Variants in NOX4 observed in about 807,000 individuals in gnomAD.
The protein encoded by NOX4 is NADPH oxidase 4.
In NOX4, 69 loss-of-function variants were observed where a neutral mutation model predicts 87.6. The ratio of observed to expected loss-of-function variants is 0.79; its 90% CI spans 0.65 to 0.96. NOX4 has a LOEUF of 0.96. NOX4 is among the 40% of genes least tolerant of loss of function. NOX4 has a pLI of 0.00. For missense variants in NOX4, 680 were observed against 681.5 expected (o/e 1.00, Z 0.02); for synonymous variants, 275 against 238.2 (o/e 1.15, Z -1.42).
At chr11:89,404,463 A>AGTACT (rs1399783215) in intron 8 of NOX4, among the ~76,000 whole-genome samples, 1 of 152,162 alleles carries the variant, frequency 6.6e-6, no homozygotes, top group East Asian at 1.9e-4. Flanking sequence ...GCTGAACATA[A>AGTACT]ATCAGACTAC....
intron 2 of NOX4, among the ~76,000 whole-genome samples, chr11:89,478,445 G>A (rs372931210): frequency 3.3e-5 from 5 of 152,074 alleles, no homozygotes; most frequent in East Asian, 3.8e-4. Context: ...CAAAATCCAT[G>A]TTCTTTTCAT....
chr11:89,358,711 T>C (rs1338527645), intron 12 of NOX4, among the ~76,000 whole-genome samples: 3 of 151,626 alleles, frequency 2.0e-5, no homozygotes, highest in Non-Finnish European at 4.4e-5. Context: ...CTGTTGTCTA[T>C]TTGATTATGA....
At chr11:89,486,450 C>T (rs190380259) in intron 2 of NOX4, among the ~76,000 whole-genome samples, 5 of 146,788 alleles carry the variant, frequency 3.4e-5, no homozygotes, top group African/African-American at 7.6e-5. Flanking sequence ...TGTGCCACCA[C>T]GCCCAGCTAA....
intron 13 of NOX4, among the ~76,000 whole-genome samples, chr11:89,349,266 A>C (rs1946349519): frequency 6.6e-6 from 1 of 151,728 alleles, no homozygotes; most frequent in Admixed American, 6.6e-5. Context: ...CAGCCTAGGC[A>C]ACAGAGCGAG....
At chr11:89,377,223 G>A (rs1233696077) in intron 11 of NOX4, among the ~76,000 whole-genome samples, 1 of 152,098 alleles carries the variant, frequency 6.6e-6, no homozygotes, top group African/African-American at 2.4e-5. Context: ...ACACATCTAT[G>A]CTTTAAAATT....
In NOX4 at chr11:89,365,544, A is replaced by G. The variant is rs565721492; in HGVS notation, c.1135+7888T>C. ...ATTGCTACTAAGCTTTCTACAATCCACCTTTTAAGAAAAATGTTATATTTT... is the reference window on the plus strand; with the variant it reads ...ATTGCTACTAAGCTTTCTACAATCCGCCTTTTAAGAAAAATGTTATATTTT... On this transcript the variant is annotated intron_variant, in intron 12 of 17. Transcript: ENST00000263317. Among the ~76,000 whole-genome samples the G allele has an allele frequency of 4.2e-4, 63 of 151,804 alleles. No individual in the cohort carries two copies. The South Asian group carries it at 8.5e-3, about 21-fold the overall frequency.
the NOX4 span, among the ~76,000 whole-genome samples, chr11:89,560,996 C>CTCTATATATATA: frequency 3.4e-4 from 14 of 40,790 alleles, no homozygotes; most frequent in South Asian, 1.0e-3. Flanking sequence ...CTCTCTCTCT[C>CTCTATATATATA]TATATATATA....
intron 1 of NOX4, 189 bp from the exon 2 acceptor site, chr11:89,490,742 A>G: frequency 1.4e-6 from 1 of 700,680 alleles, no homozygotes. Flanking sequence ...GACTTTACCC[A>G]GCCCTTTCAC....
intron 13 of NOX4, among the ~76,000 whole-genome samples, chr11:89,346,077 A>G (rs2134933648): frequency 6.6e-6 from 1 of 152,348 alleles, no homozygotes; most frequent in South Asian, 2.1e-4. Context: ...AAATGACTTC[A>G]GTAGTTTCAG....
At chr11:89,531,369 A>G in the NOX4 span, among the ~76,000 whole-genome samples, 1 of 152,190 alleles carries the variant, frequency 6.6e-6, no homozygotes, top group African/African-American at 2.4e-5. Context: ...CACCTAGATT[A>G]CCAGCTCAAA....
At chr11:89,332,983 T>C (rs923366078) in intron 17 of NOX4, among the ~76,000 whole-genome samples, 2 of 151,904 alleles carry the variant, frequency 1.3e-5, no homozygotes, top group African/African-American at 2.4e-5. Flanking sequence ...TTCTGACTTT[T>C]AGTTTTTGTA....
intron 17 of NOX4, among the ~76,000 whole-genome samples, chr11:89,329,556 T>C (rs1238277124): frequency 2.7e-5 from 4 of 149,802 alleles, no homozygotes; most frequent in Admixed American, 2.0e-4. Context: ...CAATTGATAA[T>C]AAAATACTAA....
At position 89,400,325 on chromosome 11, in the gene NOX4, T is replaced by C. The variant is rs759618709; in HGVS notation, c.901A>G (p.Arg301Gly). 3 of 1,612,648 alleles carry C rather than the reference T, an allele frequency of 1.9e-6. No homozygotes were observed. The highest frequency in any genetic ancestry group is 2.5e-6 in the Non-Finnish European group (3 of 1,179,178). The stretch of plus-strand genomic sequence containing the variant: ...ACTGGCTTATTGCTCCGGATATACC[T>C]GTAAAGTCTTTCGGCACAGTACAGG... ...LCLYCAERLY[R>G]YIRSNKPVTI... Residue 301 changes from arginine to glycine, a missense_variant, in exon 10 of 18, where the codon AGG becomes GGG. Physicochemically the swap from Arg to Gly is moderately radical, Grantham distance 125. Transcript: ENST00000263317.
chr11:89,567,017 C>A, the NOX4 span, among the ~76,000 whole-genome samples: 1 of 152,128 alleles, frequency 6.6e-6, no homozygotes. Flanking sequence ...TAGAGCATAG[C>A]CAGGGATGCA....
chr11:89,527,530 C>G, the NOX4 span, among the ~76,000 whole-genome samples: 1 of 152,162 alleles, frequency 6.6e-6, no homozygotes, highest in Non-Finnish European at 1.5e-5. Context: ...GGGCTGGGCA[C>G]AGGGCCTTGC....
At chr11:89,566,658 G>A in the NOX4 span, among the ~76,000 whole-genome samples, 2 of 152,170 alleles carry the variant, frequency 1.3e-5, no homozygotes, top group African/African-American at 4.8e-5. Context: ...CTCCCATGGT[G>A]AAAACAGACC....
At chr11:89,562,226 G>A in the NOX4 span, among the ~76,000 whole-genome samples, 5 of 152,064 alleles carry the variant, frequency 3.3e-5, no homozygotes, top group African/African-American at 1.2e-4. Flanking sequence ...CAATGCAGAT[G>A]TAAGTTCACA....
At chr11:89,578,396 G>A in the NOX4 span, among the ~76,000 whole-genome samples, 17 of 152,142 alleles carry the variant, frequency 1.1e-4, no homozygotes, top group African/African-American at 9.6e-5. Context: ...TCTTGACCTC[G>A]TGATCCTCCT....
the NOX4 span, among the ~76,000 whole-genome samples, chr11:89,582,223 T>TTA: frequency 7.9e-5 from 12 of 152,090 alleles, no homozygotes; most frequent in East Asian, 7.7e-4. Flanking sequence ...ATATTCCATT[T>TTA]TATATATATA....
Sources: allele counts gnomAD v4.1 joint callset (sites outside exome capture counted in the v4.1 genomes callset), GRCh38; gene constraint gnomAD v4.1.1; transcripts MANE v1.5; gene names NCBI Gene and HGNC (gene_info 2026-07-23, HGNC 2026-07-21).